ZNF697: variants seen among roughly 807,000 people sequenced by gnomAD.
The protein encoded by ZNF697 is zinc finger protein 697.
A neutral mutation model predicts 32.4 loss-of-function variants in ZNF697; 23 were observed. That is an observed-to-expected ratio of 0.71 (90% CI 0.51 to 1.01). The LOEUF is 1.01. Among genes scored for constraint, ZNF697 ranks in the 50% least tolerant of loss-of-function variants. The pLI is 0.00. For synonymous variants in ZNF697, 418 were observed against 337.2 expected (o/e 1.24, Z -2.62); for missense variants, 930 against 794.0 (o/e 1.17, Z -2.06).
rs768825151 is a variant in ZNF697 at position 119,623,840 on chromosome 1, TGGTGGAGCC to T, written c.494_502del (p.Arg165_His167del). ...CTCCCCGAGGTCCACGGCCATGGGGTGGTGGAGCCGGTGGAAGCGGCGGTGGGCGGGCTT... is the reference window on the plus strand; with the variant it reads ...CTCCCCGAGGTCCACGGCCATGGGGTGGTGGAAGCGGCGGTGGGCGGGCTT... On this transcript the variant is annotated inframe_deletion, in exon 3 of 3. Coordinates refer to ENST00000421812, the MANE Select transcript of ZNF697 (RefSeq NM_001080470.2). The T allele has an allele frequency of 5.3e-5, 82 of 1,543,948 alleles. 1 individual carries two copies. The Admixed American group carries it at 1.5e-3, about 28-fold the overall frequency.
chr1:119,639,791 T>C (rs587731948), intron 1 of ZNF697, among the ~76,000 whole-genome samples: 4 of 151,238 alleles, frequency 2.6e-5, no homozygotes, highest in South Asian at 2.1e-4. Context: ...GGTGGGAGGA[T>C]TGCTTGTGCC....
intron 1 of ZNF697, among the ~76,000 whole-genome samples, chr1:119,641,422 G>A (rs769948826): frequency 6.6e-6 from 1 of 151,968 alleles, no homozygotes; most frequent in Non-Finnish European, 1.5e-5. Context: ...TCACAGGTGG[G>A]GAGAAAATGT....
chr1:119,643,965 A>G (rs774116731), intron 1 of ZNF697, among the ~76,000 whole-genome samples: 1 of 152,228 alleles, frequency 6.6e-6, no homozygotes, highest in Non-Finnish European at 1.5e-5. Context: ...CAACATGCAA[A>G]TAATATTTCG....
intron 1 of ZNF697, among the ~76,000 whole-genome samples, chr1:119,638,322 G>A (rs1648979150): frequency 6.6e-6 from 1 of 152,180 alleles, no homozygotes; most frequent in Non-Finnish European, 1.5e-5. Flanking sequence ...AACCTCAGCA[G>A]ACAGTGTTAA....
intron 1 of ZNF697, among the ~76,000 whole-genome samples, chr1:119,641,765 C>A (rs764857933): frequency 6.6e-5 from 10 of 152,128 alleles, no homozygotes; most frequent in Non-Finnish European, 1.2e-4. Context: ...GAGCTTTTCC[C>A]CCTTTGCTCG....
rs1290294686 is a variant in ZNF697 at position 119,619,778 on chromosome 1, C to T, written c.*2927G>A. ...AACTTCTCATTTTCTCCTTCCAACTCGGAGCTCAAGATTTAATCAAAACCA... is the reference window on the plus strand; with the variant it reads ...AACTTCTCATTTTCTCCTTCCAACTTGGAGCTCAAGATTTAATCAAAACCA... On this transcript the variant is annotated 3_prime_UTR_variant, in exon 3 of 3. Coordinates refer to ENST00000421812, the MANE Select transcript of ZNF697 (RefSeq NM_001080470.2). 2.6e-5 allele frequency: 4 copies of T among 152,562 alleles called. No individual in the cohort carries two copies. In the East Asian group the frequency reaches 5.8e-4, roughly 22 times the overall value. The allele number at this position is 152,562 out of a possible 1,614,324, so 9.5% of individuals were successfully genotyped here. A position where few individuals can be genotyped will look rare whatever the true frequency, so the allele number is the denominator to read the frequency against.
Position 119,620,741 on chromosome 1 carries a change from A to T in ZNF697, c.*1964T>A, listed in dbSNP as rs1021743794. 2 of 152,678 alleles carry T rather than the reference A, an allele frequency of 1.3e-5. No homozygotes were observed. Among genetic ancestry groups the T allele is most frequent in the Non-Finnish European group, 2.9e-5 (2 of 68,052 alleles). The allele number at this position is 152,678 out of a possible 1,614,324, so 9.5% of individuals were successfully genotyped here. On this transcript the variant is annotated 3_prime_UTR_variant, in exon 3 of 3. Coordinates refer to ENST00000421812, the MANE Select transcript of ZNF697 (RefSeq NM_001080470.2). Reference sequence around the variant, plus strand: ...GGCATTATACAAGCCCAGAATTATCAGGATTTTTAAGTGTTTTTATAACCA... The same window carrying T: ...GGCATTATACAAGCCCAGAATTATCTGGATTTTTAAGTGTTTTTATAACCA...
intron 1 of ZNF697, among the ~76,000 whole-genome samples, chr1:119,639,638 G>A (rs1435948955): frequency 3.3e-5 from 5 of 151,944 alleles, no homozygotes; most frequent in African/African-American, 7.3e-5. Context: ...CAGCACTTTT[G>A]GGGGCCAAAG....
At chr1:119,628,818 T>C (rs587643283) in intron 1 of ZNF697, among the ~76,000 whole-genome samples, 2 of 152,338 alleles carry the variant, frequency 1.3e-5, no homozygotes, top group East Asian at 3.9e-4. Context: ...GATGTAATTA[T>C]ATGAAAAGCA....
Position 119,646,322 on chromosome 1 carries a change from A to AACACACACACACACAC in ZNF697, c.-38+1353_-38+1368dup, listed in dbSNP as rs61339576. ...TCCCTTAACAACAACCCCCACTTCCAACACACACACACACACACACACACA... is the reference window on the plus strand; with the variant it reads ...TCCCTTAACAACAACCCCCACTTCCAACACACACACACACACACACACACACACACACACACACACA... On this transcript the variant is annotated intron_variant, in intron 1 of 2. Coordinates refer to ENST00000421812, the MANE Select transcript of ZNF697 (RefSeq NM_001080470.2). Among the ~76,000 whole-genome samples the AACACACACACACACAC allele has an allele frequency of 1.9e-3, 262 of 136,902 alleles. 1 individual carries two copies. Among genetic ancestry groups the AACACACACACACACAC allele is most frequent in the African/African-American group, 6.0e-3 (210 of 35,270 alleles). 89.8% of individuals were successfully genotyped at this position (136,902 alleles called of 152,430 possible).
In ZNF697 at chr1:119,621,343, A is replaced by C. The variant is rs587614232; in HGVS notation, c.*1362T>G. On this transcript the variant is annotated 3_prime_UTR_variant, in exon 3 of 3. Coordinates refer to ENST00000421812, the MANE Select transcript of ZNF697 (RefSeq NM_001080470.2). ...CACTCCTGTTCCCAGGCCTTCCCTA[A>C]GACAGCGGTCATAATACTGATCTAA... 1 of 152,756 alleles carries C rather than the reference A, an allele frequency of 6.5e-6. No homozygotes were observed. The highest frequency in any genetic ancestry group is 2.1e-4 in the South Asian group (1 of 4,830). 9.5% of individuals were successfully genotyped at this position (152,756 alleles called of 1,614,324 possible). A position where few individuals can be genotyped will look rare whatever the true frequency, so the allele number is the denominator to read the frequency against.
chr1:119,643,274 T>G (rs1477983501), intron 1 of ZNF697, among the ~76,000 whole-genome samples: 1 of 152,202 alleles, frequency 6.6e-6, no homozygotes, highest in South Asian at 2.1e-4. Context: ...TGGAACACTG[T>G]TGCTGGCCTA....
chr1:119,645,027 G>T (rs1024113574), intron 1 of ZNF697, among the ~76,000 whole-genome samples: 1 of 152,190 alleles, frequency 6.6e-6, no homozygotes, highest in Non-Finnish European at 1.5e-5. Context: ...GACAAAAATT[G>T]TTGATTATTT....
intron 1 of ZNF697, among the ~76,000 whole-genome samples, chr1:119,632,984 T>C (rs1370785920): frequency 6.6e-6 from 1 of 152,214 alleles, no homozygotes; most frequent in East Asian, 1.9e-4. Context: ...ACACCCTCAG[T>C]TGTTTTGTTT....
chr1:119,632,263 C>T (rs1324004646), intron 1 of ZNF697, among the ~76,000 whole-genome samples: 1 of 152,200 alleles, frequency 6.6e-6, no homozygotes, highest in Non-Finnish European at 1.5e-5. Flanking sequence ...GGCAGGCGAA[C>T]TTCCCCTCAG....
chr1:119,645,411 A>G (rs1649175015), intron 1 of ZNF697, among the ~76,000 whole-genome samples: 1 of 152,198 alleles, frequency 6.6e-6, no homozygotes, highest in Admixed American at 6.5e-5. Context: ...AATAATACAA[A>G]TTACCAAGGG....
rs1648313927 is a variant in ZNF697 at position 119,621,584 on chromosome 1, T to C, written c.*1121A>G. ...TCCACGCGCAGGCAAAAGACATTCT[T>C]ACTTAGACTAGATCCCTCGTCAATA... On this transcript the variant is annotated 3_prime_UTR_variant, in exon 3 of 3. Transcript: ENST00000421812. 1 of 152,620 alleles carries C rather than the reference T, an allele frequency of 6.6e-6. No individual in the cohort carries two copies. The highest frequency in any genetic ancestry group is 2.4e-5 in the African/African-American group (1 of 41,434). The allele number at this position is 152,620 out of a possible 1,614,324, so 9.5% of individuals were successfully genotyped here.
In ZNF697 at chr1:119,621,302, T is replaced by C. The variant is rs1242965165; in HGVS notation, c.*1403A>G. The C allele has an allele frequency of 6.6e-6, 1 of 152,548 alleles. No homozygotes were observed. Among genetic ancestry groups the C allele is most frequent in the East Asian group, 1.9e-4 (1 of 5,200 alleles). 9.4% of individuals were successfully genotyped at this position (152,548 alleles called of 1,614,324 possible). A position where few individuals can be genotyped will look rare whatever the true frequency, so the allele number is the denominator to read the frequency against. On this transcript the variant is annotated 3_prime_UTR_variant, in exon 3 of 3. Transcript: ENST00000421812. ...TTATTCACACTGTCCTCAGCCTCTC[T>C]TCAGGACAGCCTGCACACTCCTGTT... is the stretch of plus-strand genomic sequence containing the variant.
rs587775108 is a variant in ZNF697 at position 119,621,597 on chromosome 1, T to C, written c.*1108A>G. 2 of 152,700 alleles carry C rather than the reference T, an allele frequency of 1.3e-5. No homozygotes were observed. The highest frequency in any genetic ancestry group is 1.5e-5 in the Non-Finnish European group (1 of 68,038). The allele number at this position is 152,700 out of a possible 1,614,324, so 9.5% of individuals were successfully genotyped here. On this transcript the variant is annotated 3_prime_UTR_variant, in exon 3 of 3. Transcript: ENST00000421812. The stretch of plus-strand genomic sequence containing the variant: ...AAAAGACATTCTTACTTAGACTAGA[T>C]CCCTCGTCAATATGCATGGAAGTGG...
Sources: gnomAD v4.1 joint callset for allele counts (sites outside exome capture counted in the v4.1 genomes callset) on GRCh38, gnomAD v4.1.1 for gene constraint, MANE v1.5 for transcripts, NCBI Gene and HGNC (gene_info 2026-07-23, HGNC 2026-07-21) for gene names.